GFRA1: variants seen among roughly 807,000 people sequenced by gnomAD.
GFRA1 encodes GDNF family receptor alpha 1.
In GFRA1, 16 loss-of-function variants were observed where a neutral mutation model predicts 51.6. That is an observed-to-expected ratio of 0.31 (90% CI 0.21 to 0.47). The LOEUF is 0.47. Among genes scored for constraint, GFRA1 ranks in the 20% least tolerant of loss-of-function variants. The pLI is 1.00. For synonymous variants in GFRA1, 270 were observed against 241.3 expected (o/e 1.12, Z -1.10); for missense variants, 530 against 594.3 (o/e 0.89, Z 1.13).
chr10:116,136,358 G>A (rs577670639), intron 5 of GFRA1, among the ~76,000 whole-genome samples: 14 of 152,226 alleles, frequency 9.2e-5, no homozygotes, highest in Admixed American at 2.0e-4. Context: ...TAGCCTGTGC[G>A]AGCTCCACTG....
intron 5 of GFRA1, among the ~76,000 whole-genome samples, chr10:116,146,647 C>T (rs1233614669): frequency 6.6e-6 from 1 of 152,170 alleles, no homozygotes; most frequent in Non-Finnish European, 1.5e-5. Flanking sequence ...CTTAGCAATA[C>T]ACAGAAGTAA....
At chr10:116,216,656 G>A (rs546162471) in intron 4 of GFRA1, among the ~76,000 whole-genome samples, 6 of 152,276 alleles carry the variant, frequency 3.9e-5, no homozygotes, top group African/African-American at 1.4e-4. Context: ...TATATGAGGG[G>A]AGTTTAGTTT....
At chr10:116,150,420 T>A (rs1169684787) in intron 5 of GFRA1, among the ~76,000 whole-genome samples, 1 of 152,178 alleles carries the variant, frequency 6.6e-6, no homozygotes, top group Non-Finnish European at 1.5e-5. Flanking sequence ...CAATATGTGA[T>A]CTCTTAGGTG....
chr10:116,082,498 C>T (rs79087488), intron 9 of GFRA1, among the ~76,000 whole-genome samples: 7,475 of 150,912 alleles, frequency 0.05, 591 homozygotes, highest in African/African-American at 0.17. Context: ...TTGAGACGGA[C>T]TTTTGCTCTT....
intron 5 of GFRA1, among the ~76,000 whole-genome samples, chr10:116,143,035 T>C (rs894862493): frequency 1.1e-4 from 16 of 152,228 alleles, no homozygotes; most frequent in African/African-American, 3.6e-4. Context: ...CTTTACTTGA[T>C]GAAAACACTC....
Position 116,061,787 on chromosome 10 carries a change from G to A in GFRA1, c.*2611C>T, listed in dbSNP as rs1954831201. The A allele has an allele frequency of 2.6e-6, 1 of 392,050 alleles. No individual in the cohort carries two copies. The highest frequency in any genetic ancestry group is 4.5e-6 in the Non-Finnish European group (1 of 222,394). 24.3% of individuals were successfully genotyped at this position (392,050 alleles called of 1,614,324 possible). ...AAGCACGCCAAGAAGAAGTGAGACAGGTAAATGATTTAACTTATTGTGCTC... is the reference window on the plus strand; with the variant it reads ...AAGCACGCCAAGAAGAAGTGAGACAAGTAAATGATTTAACTTATTGTGCTC... On this transcript the variant is annotated 3_prime_UTR_variant, in exon 11 of 11. Coordinates refer to ENST00000355422, the MANE Select transcript of GFRA1 (RefSeq NM_005264.8).
intron 9 of GFRA1, among the ~76,000 whole-genome samples, chr10:116,069,021 G>A (rs142274181): frequency 2.0e-5 from 3 of 152,276 alleles, no homozygotes; most frequent in East Asian, 3.9e-4. Flanking sequence ...AAAACCAAGG[G>A]TGCAATAATA....
intron 9 of GFRA1, among the ~76,000 whole-genome samples, chr10:116,069,298 TAACTC>T (rs1252747651): frequency 6.6e-6 from 1 of 152,192 alleles, no homozygotes; most frequent in Non-Finnish European, 1.5e-5. Flanking sequence ...GGGTGTTTCT[TAACTC>T]TAATTTATAG....
At chr10:116,207,472 C>T (rs925233291) in intron 5 of GFRA1, among the ~76,000 whole-genome samples, 3 of 152,174 alleles carry the variant, frequency 2.0e-5, no homozygotes, top group African/African-American at 4.8e-5. Flanking sequence ...GGAGTAGCCA[C>T]CCATGGCAAA....
chr10:116,059,072 T>C lies in GFRA1; in HGVS notation c.*5326A>G, dbSNP rs180553. ...CAGTGCTTTTTCAGACCCTTTCTCCTAGGTCACCCTCAAAAACCTCAGGAG... is the reference window on the plus strand; with the variant it reads ...CAGTGCTTTTTCAGACCCTTTCTCCCAGGTCACCCTCAAAAACCTCAGGAG... On this transcript the variant is annotated 3_prime_UTR_variant, in exon 11 of 11. Coordinates refer to ENST00000355422, the MANE Select transcript of GFRA1 (RefSeq NM_005264.8). The C allele has an allele frequency of 0.39, 58,628 of 151,992 alleles. 13,536 individuals are homozygous for C. The highest frequency in any genetic ancestry group is 0.63 in the African/African-American group (26,192 of 41,404). The allele number at this position is 151,992 out of a possible 1,614,324, so 9.4% of individuals were successfully genotyped here.
chr10:116,224,430 G>A (rs1966138618), intron 4 of GFRA1, among the ~76,000 whole-genome samples: 1 of 152,088 alleles, frequency 6.6e-6, no homozygotes, highest in Admixed American at 6.6e-5. Context: ...ACCAAAAAGT[G>A]GAAATAATAC....
intron 6 of GFRA1, among the ~76,000 whole-genome samples, chr10:116,103,391 C>T (rs1325571585): frequency 2.6e-5 from 4 of 152,206 alleles, no homozygotes; most frequent in African/African-American, 9.6e-5. Flanking sequence ...TACACTGTGT[C>T]TTAGTCTATC....
intron 5 of GFRA1, among the ~76,000 whole-genome samples, chr10:116,187,113 G>A (rs1386433043): frequency 1.3e-5 from 2 of 152,204 alleles, no homozygotes; most frequent in Non-Finnish European, 2.9e-5. Context: ...TTGAATGGAA[G>A]ACAGGGTTTT....
At chr10:116,176,812 C>T (rs932031529) in intron 5 of GFRA1, among the ~76,000 whole-genome samples, 3 of 143,276 alleles carry the variant, frequency 2.1e-5, no homozygotes, top group African/African-American at 7.7e-5. Context: ...AAAGATAAGA[C>T]TCTGTGACAG....
intron 5 of GFRA1, among the ~76,000 whole-genome samples, chr10:116,162,621 G>A (rs761144577): frequency 2.0e-4 from 30 of 152,202 alleles, no homozygotes; most frequent in South Asian, 2.1e-4. Context: ...CTTAATGGAG[G>A]AGCTCACAGC....
intron 4 of GFRA1, among the ~76,000 whole-genome samples, chr10:116,244,510 A>G (rs1254059100): frequency 1.4e-5 from 2 of 148,060 alleles, no homozygotes; most frequent in African/African-American, 4.9e-5. Flanking sequence ...AATCCTATAT[A>G]TAAAAATATA....
At chr10:116,142,908 A>AT (rs1382833943) in intron 5 of GFRA1, among the ~76,000 whole-genome samples, 2 of 152,070 alleles carry the variant, frequency 1.3e-5, no homozygotes, top group Non-Finnish European at 2.9e-5. Context: ...AATTGGCCTT[A>AT]TTTTTCCACT....
Position 116,272,598 on chromosome 10 carries a change from A to C in GFRA1, c.-246-323T>G, listed in dbSNP as rs1844043327. On this transcript the variant is annotated intron_variant, in intron 1 of 10. Coordinates refer to ENST00000355422, the MANE Select transcript of GFRA1 (RefSeq NM_005264.8). This position sits in a 1 kb window ranked among gnomAD's most constrained non-coding sequence, Gnocchi z 4.4. The stretch of plus-strand genomic sequence containing the variant: ...GCGAGCGGAGCCTGCAGCTGCCTGG[A>C]GTCCGAGCCCTCGGTGGCGGCGGCG... 1 of 152,622 alleles carries C rather than the reference A, an allele frequency of 6.6e-6. No homozygotes were observed. 9.5% of individuals were successfully genotyped at this position (152,622 alleles called of 1,614,324 possible).
chr10:116,178,308 G>GA (rs1961850823), intron 5 of GFRA1, among the ~76,000 whole-genome samples: 1 of 144,114 alleles, frequency 6.9e-6, no homozygotes, highest in Non-Finnish European at 1.5e-5. Context: ...CCGGGGGGGC[G>GA]TTTTACTCCC....
Sources: allele counts gnomAD v4.1 joint callset (sites outside exome capture counted in the v4.1 genomes callset), GRCh38; gene constraint gnomAD v4.1.1; non-coding constraint Gnocchi (gnomAD v3.1); transcripts MANE v1.5; gene names NCBI Gene and HGNC (gene_info 2026-07-23, HGNC 2026-07-21).